Variants in ARHGAP39 observed in about 807,000 individuals in gnomAD.
ARHGAP39 encodes rho GTPase-activating protein 39.
Under a neutral mutation model 106.9 loss-of-function variants are expected in ARHGAP39, and 44 were observed. The ratio of observed to expected loss-of-function variants is 0.41; its 90% CI spans 0.32 to 0.53. ARHGAP39 has a LOEUF of 0.53. Among genes scored for constraint, ARHGAP39 ranks in the 20% least tolerant of loss-of-function variants. The pLI is 0.21. For synonymous variants in ARHGAP39, 768 were observed against 693.2 expected (o/e 1.11, Z -1.69); for missense variants, 1,496 against 1,577.3 (o/e 0.95, Z 0.87).
In ARHGAP39 at chr8:144,548,908, C is replaced by G. The variant is rs1564842340; in HGVS notation, c.597-419G>C. 6.6e-6 allele frequency among the ~76,000 whole-genome samples: 1 copy of G among 152,218 alleles called. No individual in the cohort carries two copies. Among genetic ancestry groups the G allele is most frequent in the South Asian group, 2.1e-4 (1 of 4,836 alleles). ...GTCCCAGTGGTCCAGGTGAGCCCAG[C>G]AGGAGGAAGGCACACCACCAGAATC... On this transcript the variant is annotated intron_variant, in intron 4 of 11. Transcript: ENST00000377307. This position sits in a 1 kb window ranked among gnomAD's most constrained non-coding sequence, Gnocchi z 7.4.
intron 6 of ARHGAP39, among the ~76,000 whole-genome samples, chr8:144,544,892 G>A (rs1207022888): frequency 2.0e-5 from 3 of 152,274 alleles, no homozygotes; most frequent in African/African-American, 7.2e-5. Flanking sequence ...GGCAAGTGCG[G>A]CAGGCACACA....
rs142013781 is a variant in ARHGAP39 at position 144,646,118 on chromosome 8, G to A, written c.-82+39568C>T. 4.3e-3 allele frequency among the ~76,000 whole-genome samples: 650 copies of A among 152,316 alleles called. 5 individuals are homozygous for A. Among genetic ancestry groups the A allele is most frequent in the Non-Finnish European group, 7.5e-3 (512 of 68,028 alleles). On this transcript the variant is annotated intron_variant, in intron 1 of 11. Transcript: ENST00000377307. The surrounding 1 kb of genome is among the most constrained non-coding windows in gnomAD (Gnocchi z 5.7). ...TCCCCACCGGTGGCACCAAATGTCC[G>A]CCAGCAAGGACGGACACATCGCAAG...
intron 6 of ARHGAP39, among the ~76,000 whole-genome samples, chr8:144,541,524 C>T (rs995020356): frequency 2.0e-5 from 3 of 152,168 alleles, no homozygotes; most frequent in African/African-American, 4.8e-5. Context: ...CCTCACTCCC[C>T]GCTTCTCCCT....
the ARHGAP39 span, among the ~76,000 whole-genome samples, chr8:144,697,723 C>T: frequency 6.6e-6 from 1 of 152,058 alleles, no homozygotes; most frequent in Non-Finnish European, 1.5e-5. Context: ...AACTCCTGAC[C>T]TCAGGTGATC....
chr8:144,529,675 T>C lies in ARHGAP39; in HGVS notation c.*747A>G, dbSNP rs943449414. The C allele has an allele frequency of 1.3e-5, 2 of 152,058 alleles. No individual in the cohort carries two copies. The highest frequency in any genetic ancestry group is 2.9e-5 in the Non-Finnish European group (2 of 68,002). 9.4% of individuals were successfully genotyped at this position (152,058 alleles called of 1,614,324 possible). The stretch of plus-strand genomic sequence containing the variant: ...AAAACTATGTCATTAGCAAATTTAG[T>C]TCTTATATCTTTCCCTCTATTTATA... On this transcript the variant is annotated 3_prime_UTR_variant, in exon 12 of 12. Coordinates refer to ENST00000377307, the MANE Select transcript of ARHGAP39 (RefSeq NM_025251.3).
the ARHGAP39 span, among the ~76,000 whole-genome samples, chr8:144,692,828 C>T: frequency 7.3e-6 from 1 of 137,100 alleles, no homozygotes; most frequent in Non-Finnish European, 1.5e-5. Flanking sequence ...GGTGTGATCT[C>T]GGCTCACCAC....
At chr8:144,682,244 CAAAA>C (rs1199836499) in intron 1 of ARHGAP39, among the ~76,000 whole-genome samples, 1 of 30,688 alleles carries the variant, frequency 3.3e-5, no homozygotes, top group African/African-American at 1.5e-4. Context: ...GACTCTATCT[CAAAA>C]AAAAAAAAAA....
chr8:144,672,996 C>A (rs1386447351), intron 1 of ARHGAP39, among the ~76,000 whole-genome samples: 1 of 152,144 alleles, frequency 6.6e-6, no homozygotes, highest in African/African-American at 2.4e-5. Context: ...GCGGGAGGAT[C>A]ACTTGAGCCC....
In ARHGAP39 at chr8:144,586,860, C is replaced by G. The variant is rs1819201008; in HGVS notation, c.81-5583G>C. 6.6e-6 allele frequency among the ~76,000 whole-genome samples: 1 copy of G among 152,208 alleles called. No individual in the cohort carries two copies. On this transcript the variant is annotated intron_variant, in intron 2 of 11. Coordinates refer to ENST00000377307, the MANE Select transcript of ARHGAP39 (RefSeq NM_025251.3). This position sits in a 1 kb window ranked among gnomAD's most constrained non-coding sequence, Gnocchi z 4.2. ...CATGGCTGCACGCCCATCTCATACA[C>G]CAGGATGGGCAATGATATGGTTTGG...
chr8:144,688,313 C>T (rs1822676466), upstream of ARHGAP39, among the ~76,000 whole-genome samples: 1 of 152,158 alleles, frequency 6.6e-6, no homozygotes, highest in South Asian at 2.1e-4. Flanking sequence ...CCGTGTTGGC[C>T]AGGCTCCTCT....
At chr8:144,546,988 C>A (rs1159736974) in intron 5 of ARHGAP39, 139 bp downstream of exon 5, 8 of 1,135,180 alleles carry the variant, frequency 7.0e-6, no homozygotes, top group Non-Finnish European at 9.5e-6. Flanking sequence ...GCCCAGGGCC[C>A]CGGAGACACG....
chr8:144,684,188 C>A lies in ARHGAP39; in HGVS notation c.-82+1498G>T, dbSNP rs778529946. ...TACACCAAGTGCAGGGAGCGAGGCGCCACCCCCATTCATTCACTCCAAGCA... is the reference window on the plus strand; with the variant it reads ...TACACCAAGTGCAGGGAGCGAGGCGACACCCCCATTCATTCACTCCAAGCA... On this transcript the variant is annotated intron_variant, in intron 1 of 11. Coordinates refer to ENST00000377307, the MANE Select transcript of ARHGAP39 (RefSeq NM_025251.3). This position sits in a 1 kb window ranked among gnomAD's most constrained non-coding sequence, Gnocchi z 4.4. Among the ~76,000 whole-genome samples the A allele has an allele frequency of 1.9e-4, 29 of 152,208 alleles. No homozygotes were observed. Among genetic ancestry groups the A allele is most frequent in the Non-Finnish European group, 2.4e-4 (16 of 68,042 alleles).
chr8:144,600,990 G>T (rs188684572), intron 2 of ARHGAP39, among the ~76,000 whole-genome samples: 1 of 133,076 alleles, frequency 7.5e-6, no homozygotes, highest in Admixed American at 7.7e-5. Flanking sequence ...GTGTGTGTGC[G>T]AGCTCATGTA....
Position 144,631,725 on chromosome 8 carries a change from A to G in ARHGAP39, c.-81-26030T>C, listed in dbSNP as rs551234657. ...TTGGATCCCCCAAAGAAACCTGTGC[A>G]GAGGGAAAGGCCTGGCCGCCATCCC... On this transcript the variant is annotated intron_variant, in intron 1 of 11. Transcript: ENST00000377307. 4.6e-5 allele frequency among the ~76,000 whole-genome samples: 7 copies of G among 152,358 alleles called. No individual in the cohort carries two copies. In the East Asian group the frequency reaches 1.4e-3, roughly 29 times the overall value.
At chr8:144,596,218 C>T (rs1819616503) in intron 2 of ARHGAP39, among the ~76,000 whole-genome samples, 1 of 149,944 alleles carries the variant, frequency 6.7e-6, no homozygotes, top group Admixed American at 6.6e-5. Flanking sequence ...ATGGCTAAGG[C>T]CTCGCCACCC....
chr8:144,619,287 G>A (rs1309568641), intron 1 of ARHGAP39, among the ~76,000 whole-genome samples: 1 of 152,268 alleles, frequency 6.6e-6, no homozygotes, highest in South Asian at 2.1e-4. Context: ...CCATAGACCA[G>A]GGTGCCAGAG....
At chr8:144,680,914 A>G (rs749388231) in intron 1 of ARHGAP39, among the ~76,000 whole-genome samples, 29 of 152,210 alleles carry the variant, frequency 1.9e-4, no homozygotes, top group Non-Finnish European at 4.0e-4. Flanking sequence ...TAATAAAATT[A>G]CTTTGTCACC....
rs1463407450 is a variant in ARHGAP39, at chr8:144,547,046, T to A, written c.1959+81A>T. On this transcript the variant is annotated intron_variant, in intron 5 of 11. Transcript: ENST00000377307. The surrounding 1 kb of genome is among the most constrained non-coding windows in gnomAD (Gnocchi z 5.2). ...GCGTGCACGCCCTGGACGCCAGGTC[T>A]CCTGTGCCTGGCCCACGGGGTCCAC... The A allele has an allele frequency of 1.4e-6, 2 of 1,440,508 alleles. No individual in the cohort carries two copies. The highest frequency in any genetic ancestry group is 1.8e-6 in the Non-Finnish European group (2 of 1,089,346). 89.2% of individuals were successfully genotyped at this position (1,440,508 alleles called of 1,614,324 possible). A position where few individuals can be genotyped will look rare whatever the true frequency, so the allele number is the denominator to read the frequency against.
In ARHGAP39 at chr8:144,548,908, C is replaced by A. The variant is rs1564842340; in HGVS notation, c.597-419G>T. Among the ~76,000 whole-genome samples, 1 of 152,218 alleles carries A rather than the reference C, an allele frequency of 6.6e-6. No individual in the cohort carries two copies. Among genetic ancestry groups the A allele is most frequent in the Non-Finnish European group, 1.5e-5 (1 of 68,028 alleles). ...GTCCCAGTGGTCCAGGTGAGCCCAGCAGGAGGAAGGCACACCACCAGAATC... is the reference window on the plus strand; with the variant it reads ...GTCCCAGTGGTCCAGGTGAGCCCAGAAGGAGGAAGGCACACCACCAGAATC... On this transcript the variant is annotated intron_variant, in intron 4 of 11. Transcript: ENST00000377307. This position sits in a 1 kb window ranked among gnomAD's most constrained non-coding sequence, Gnocchi z 7.4.
Sources: allele counts gnomAD v4.1 joint callset (sites outside exome capture counted in the v4.1 genomes callset), GRCh38; gene constraint gnomAD v4.1.1; non-coding constraint Gnocchi (gnomAD v3.1); transcripts MANE v1.5; gene names NCBI Gene and HGNC (gene_info 2026-07-23, HGNC 2026-07-21).